Variants in TAF2 observed in about 807,000 individuals in gnomAD.
TAF2 encodes the protein TATA-box binding protein associated factor 2.
TAF2 carries 61 observed loss-of-function variants against 138.5 expected under a neutral mutation model. That is an observed-to-expected ratio of 0.44 (90% CI 0.36 to 0.54). TAF2 has a LOEUF of 0.54. Ranked by LOEUF, TAF2 falls within the 20% of genes least tolerant of loss-of-function variation. The probability of loss-of-function intolerance (pLI) is 0.00; values close to 1 mark genes in which losing one functional copy is unlikely to be tolerated. For synonymous variants in TAF2, 475 were observed against 469.9 expected (o/e 1.01, Z -0.14); for missense variants, 1,090 against 1,427.9 (o/e 0.76, Z 3.81).
At chr8:119,797,483 CTT>C (rs1823913958) in intron 7 of TAF2, among the ~76,000 whole-genome samples, 177 bp downstream of exon 7, 1 of 152,026 alleles carries the variant, frequency 6.6e-6, no homozygotes, top group Non-Finnish European at 1.5e-5. Flanking sequence ...ATCTCAAAAA[CTT>C]TGTCTTCATG....
chr8:119,788,295 T>C, intron 14 of TAF2, 43 bp downstream of exon 14: 1 of 1,531,822 alleles, frequency 6.5e-7, no homozygotes, highest in Non-Finnish European at 9.0e-7. Context: ...TCTGTGAGAT[T>C]TGTAGTTTAA....
At chr8:119,825,784 A>T (rs1287033232) in intron 2 of TAF2, among the ~76,000 whole-genome samples, 1 of 151,608 alleles carries the variant, frequency 6.6e-6, no homozygotes, top group Non-Finnish European at 1.5e-5. Flanking sequence ...TCCTGTGTTC[A>T]CACCATTCTC....
At position 119,793,555 on chromosome 8, in the gene TAF2, G is replaced by C. The variant is rs986026751; in HGVS notation, c.1192-104C>G. On this transcript the variant is annotated intron_variant, in intron 9 of 25. Coordinates refer to ENST00000378164, the MANE Select transcript of TAF2 (RefSeq NM_003184.4). The stretch of plus-strand genomic sequence containing the variant: ...TGTGAATTCTCATTTCCTAAAATCA[G>C]AATGTAAATTTCTTAAAATAAGTGA... The C allele has an allele frequency of 3.6e-6, 3 of 843,236 alleles. No individual in the cohort carries two copies. In the African/African-American group the frequency reaches 5.2e-5, roughly 15 times the overall value. 52.2% of individuals were successfully genotyped at this position (843,236 alleles called of 1,614,324 possible).
Position 119,762,493 on chromosome 8 carries a change from C to T in TAF2, c.2480G>A (p.Arg827Gln), listed in dbSNP as rs758776594. 70 of 1,613,770 alleles carry T rather than the reference C, an allele frequency of 4.3e-5. No individual in the cohort carries two copies. The highest frequency in any genetic ancestry group is 1.6e-4 in the Middle Eastern group (1 of 6,078). The change falls in exon 19 of 26, where the codon CGA becomes CAA. Residue 827 changes from arginine (R) to glutamine (Q), a missense_variant. Transcript: ENST00000378164. Reference protein sequence around the residue: ...RTLDNLNPDVRLILEEITRFL... With the variant: ...RTLDNLNPDVQLILEEITRFL... ...TCTGGTGATTTCTTCAAGAATGAGT[C>T]GCACATCAGGATTTAAGTTATCCAA...
Position 119,732,012 on chromosome 8 carries a change from T to C in TAF2, c.3512A>G (p.His1171Arg). 6.2e-7 allele frequency: 1 copy of C among 1,614,270 alleles called. No individual in the cohort carries two copies. Among genetic ancestry groups the C allele is most frequent in the Non-Finnish European group, 8.5e-7 (1 of 1,180,052 alleles). The change falls in exon 26 of 26, where the codon CAT becomes CGT. Residue 1171 changes from histidine to arginine, a missense_variant. Physicochemically the swap from His to Arg is conservative, Grantham distance 29. Coordinates refer to ENST00000378164, the MANE Select transcript of TAF2 (RefSeq NM_003184.4). ...HKHKHKHKHKHDSKEKDKEPF... is the reference protein window; with the variant it reads ...HKHKHKHKHKRDSKEKDKEPF... ...CTCCTTGTCCTTTTCTTTACTGTCA[T>C]GCTTATGCTTGTGTTTGTGCTTATG...
chr8:119,811,545 G>A (rs919085891), intron 3 of TAF2, among the ~76,000 whole-genome samples: 1 of 152,054 alleles, frequency 6.6e-6, no homozygotes, highest in Non-Finnish European at 1.5e-5. Flanking sequence ...GGTGGCTCAC[G>A]CCTGTAATCC....
intron 18 of TAF2, among the ~76,000 whole-genome samples, chr8:119,776,121 G>A (rs1822214739): frequency 6.6e-6 from 1 of 152,120 alleles, no homozygotes; most frequent in Non-Finnish European, 1.5e-5. Context: ...GGACTCCTAT[G>A]TCCCTAATAT....
At chr8:119,747,836 A>G (rs1036358498) in intron 22 of TAF2, among the ~76,000 whole-genome samples, 1 of 152,182 alleles carries the variant, frequency 6.6e-6, no homozygotes, top group African/African-American at 2.4e-5. Flanking sequence ...GAAGAAAAAA[A>G]ACCCCGGCTA....
intron 18 of TAF2, among the ~76,000 whole-genome samples, chr8:119,768,971 T>C (rs1821638442): frequency 6.6e-6 from 1 of 151,916 alleles, no homozygotes; most frequent in African/African-American, 2.4e-5. Flanking sequence ...AGTACAGGAG[T>C]GTGACAGGGA....
intron 17 of TAF2, among the ~76,000 whole-genome samples, chr8:119,780,176 C>T (rs1822542830): frequency 6.6e-6 from 1 of 152,144 alleles, no homozygotes; most frequent in Admixed American, 6.5e-5. Context: ...AAAAAAACCT[C>T]TATGTATGAT....
intron 25 of TAF2, among the ~76,000 whole-genome samples, chr8:119,738,658 A>G (rs1383763121): frequency 6.6e-6 from 1 of 152,190 alleles, no homozygotes; most frequent in East Asian, 1.9e-4. Context: ...TGCACCATGG[A>G]TAAGGGTTAC....
chr8:119,757,826 G>GTCC (rs1225517672), intron 21 of TAF2, among the ~76,000 whole-genome samples: 4 of 152,066 alleles, frequency 2.6e-5, no homozygotes, highest in African/African-American at 9.6e-5. Context: ...AACCCAGGAG[G>GTCC]CGGAGGTTGC....
intron 7 of TAF2, among the ~76,000 whole-genome samples, 165 bp from the exon 8 acceptor site, chr8:119,797,268 C>T (rs1276478707): frequency 6.6e-6 from 1 of 152,018 alleles, no homozygotes; most frequent in Non-Finnish European, 1.5e-5. Context: ...ATCTTAGTAA[C>T]TTGCTTAAAG....
chr8:119,800,596 A>T (rs1824187608), intron 6 of TAF2, among the ~76,000 whole-genome samples: 1 of 152,216 alleles, frequency 6.6e-6, no homozygotes, highest in Non-Finnish European at 1.5e-5. Context: ...CTGATCATTT[A>T]CCAAAGACAA....
At position 119,810,444 on chromosome 8, in the gene TAF2, T is replaced by C. The variant is rs1824973495; in HGVS notation, c.300-4043A>G. 1.3e-5 allele frequency among the ~76,000 whole-genome samples: 2 copies of C among 152,230 alleles called. 1 individual carries two copies. The highest frequency in any genetic ancestry group is 4.1e-4 in the South Asian group (2 of 4,834). ...CAGCTTTGGAAGTGTGAAATAAAACTGTTATGAACATTTGTGTACAGATTT... is the reference window on the plus strand; with the variant it reads ...CAGCTTTGGAAGTGTGAAATAAAACCGTTATGAACATTTGTGTACAGATTT... On this transcript the variant is annotated intron_variant, in intron 3 of 25. Transcript: ENST00000378164.
At chr8:119,787,559 G>T (rs1586434669) in intron 14 of TAF2, among the ~76,000 whole-genome samples, 1 of 152,216 alleles carries the variant, frequency 6.6e-6, no homozygotes, top group Admixed American at 6.5e-5. Flanking sequence ...ACGCCAGTTA[G>T]AACAGCAATC....
At chr8:119,795,489 G>T in intron 9 of TAF2, 43 bp downstream of exon 9, 1 of 1,480,970 alleles carries the variant, frequency 6.8e-7, no homozygotes, top group African/African-American at 1.4e-5. Context: ...AAAAATGGAG[G>T]ACATAAGACT....
At chr8:119,824,064 G>A (rs1388806913) in intron 2 of TAF2, among the ~76,000 whole-genome samples, 1 of 152,152 alleles carries the variant, frequency 6.6e-6, no homozygotes, top group Admixed American at 6.5e-5. Context: ...CTTGGGTGCT[G>A]TTAAAGGCAT....
rs1818843768 is a variant in TAF2 at position 119,730,904 on chromosome 8, A to G, written c.*1020T>C. 1 of 152,244 alleles carries G rather than the reference A, an allele frequency of 6.6e-6. No individual in the cohort carries two copies. The highest frequency in any genetic ancestry group is 2.4e-5 in the African/African-American group (1 of 41,470). The allele number at this position is 152,244 out of a possible 1,614,324, so 9.4% of individuals were successfully genotyped here. A position where few individuals can be genotyped will look rare whatever the true frequency, so the allele number is the denominator to read the frequency against. On this transcript the variant is annotated 3_prime_UTR_variant, in exon 26 of 26. Transcript: ENST00000378164. ...GATAAAAATTGAACAGATATAAAAA[A>G]TATTCTTAAACAAATATTAAAGCAC...
Sources: allele counts gnomAD v4.1 joint callset (sites outside exome capture counted in the v4.1 genomes callset), GRCh38; gene constraint gnomAD v4.1.1; transcripts MANE v1.5; gene names NCBI Gene and HGNC (gene_info 2026-07-23, HGNC 2026-07-21).